The following PLCH1 variants were observed in gnomAD, a reference collection of about 807,000 sequenced individuals.
PLCH1 encodes phospholipase C eta 1, also known as 1-phosphatidylinositol 4,5-bisphosphate phosphodiesterase eta-1.
Under a neutral mutation model 126.7 loss-of-function variants are expected in PLCH1, and 60 were observed. The ratio of observed to expected loss-of-function variants is 0.47; its 90% CI spans 0.38 to 0.59. PLCH1 has a LOEUF of 0.59. Ranked by LOEUF, PLCH1 falls within the 20% of genes least tolerant of loss-of-function variation. The pLI, the probability that PLCH1 is intolerant of heterozygous loss-of-function variation, is 0.00. For missense variants in PLCH1, 1,723 were observed against 2,040.0 expected (o/e 0.84, Z 2.99); for synonymous variants, 719 against 734.9 (o/e 0.98, Z 0.35).
In PLCH1 at chr3:155,482,148, T is replaced by C. The variant is rs1455901181; in HGVS notation, c.3878A>G (p.Glu1293Gly). Reference protein sequence around the residue: ...LSSKAKTAALESNLPGSPNTS... With the variant: ...LSSKAKTAALGSNLPGSPNTS... ...ATTAGGGGATCCAGGCAGGTTGCTT[T>C]CTAAGGCCGCTGTCTTGGCCTTACT... is the stretch of plus-strand genomic sequence containing the variant. The change falls in exon 23 of 23, where the codon GAA becomes GGA. Residue 1293 changes from glutamate (E) to glycine (G), a missense_variant. Glu to Gly is a moderately conservative substitution (Grantham distance 98, BLOSUM62 -2). Transcript: ENST00000460012. 2 of 1,614,180 alleles carry C rather than the reference T, an allele frequency of 1.2e-6. No homozygotes were observed. Among genetic ancestry groups the C allele is most frequent in the South Asian group, 1.1e-5 (1 of 91,082 alleles).
intron 4 of PLCH1, among the ~76,000 whole-genome samples, chr3:155,588,024 C>T (rs1731610726): frequency 6.6e-6 from 1 of 152,044 alleles, no homozygotes; most frequent in African/African-American, 2.4e-5. Context: ...GAATGTATAT[C>T]AGAGGAGAGG....
chr3:155,583,769 G>C (rs888465909), intron 5 of PLCH1, 127 bp from the exon 6 acceptor site: 4 of 591,426 alleles, frequency 6.8e-6, no homozygotes, highest in Non-Finnish European at 1.1e-5. Flanking sequence ...CATTCTCTTC[G>C]AGCACACATT....
chr3:155,631,310 G>A (rs900351083), intron 2 of PLCH1, among the ~76,000 whole-genome samples: 1 of 150,054 alleles, frequency 6.7e-6, no homozygotes, highest in Non-Finnish European at 1.5e-5. Flanking sequence ...GGATCCTAGT[G>A]TAATGCTAGG....
rs919890892 is a variant in PLCH1, at chr3:155,603,946, A to C, written c.80-7568T>G. 6.6e-5 allele frequency among the ~76,000 whole-genome samples: 10 copies of C among 152,202 alleles called. No homozygotes were observed. The East Asian group carries it at 1.7e-3, about 27-fold the overall frequency. On this transcript the variant is annotated intron_variant, in intron 2 of 22. Coordinates refer to ENST00000460012, the MANE Select transcript of PLCH1 (RefSeq NM_014996.4). ...GACCTGGTCTCTACAAAAAATTTAA[A>C]AAATTAACCAGGTCTCGTGGCACAA...
chr3:155,701,402 G>C lies in PLCH1; in HGVS notation c.79+2744C>G, dbSNP rs375104067. Among the ~76,000 whole-genome samples, 30 of 152,216 alleles carry C rather than the reference G, an allele frequency of 2.0e-4. No homozygotes were observed. In the South Asian group the frequency reaches 6.0e-3, roughly 31 times the overall value. On this transcript the variant is annotated intron_variant, in intron 2 of 22. Transcript: ENST00000460012. ...ATTTTAGAGTTCTCATTTTAACATA[G>C]CTCTTTTATCCTGGCAACACTGCTG...
intron 1 of PLCH1, among the ~76,000 whole-genome samples, chr3:155,738,544 G>A (rs1278196543): frequency 6.6e-6 from 1 of 152,120 alleles, no homozygotes; most frequent in Non-Finnish European, 1.5e-5. Flanking sequence ...AGCACTGCGG[G>A]AGGCCGAGGC....
intron 8 of PLCH1, among the ~76,000 whole-genome samples, chr3:155,561,217 G>A (rs1727551378): frequency 6.6e-6 from 1 of 150,846 alleles, no homozygotes; most frequent in South Asian, 2.1e-4. Flanking sequence ...GTGCCATGCT[G>A]GTGCGCTGCA....
At chr3:155,527,530 A>T (rs1722118974) in intron 10 of PLCH1, among the ~76,000 whole-genome samples, 1 of 152,232 alleles carries the variant, frequency 6.6e-6, no homozygotes, top group South Asian at 2.1e-4. Context: ...AATCATTTAT[A>T]TAATGAAAGC....
At chr3:155,516,228 T>A (rs1412423511) in intron 11 of PLCH1, among the ~76,000 whole-genome samples, 3 of 152,156 alleles carry the variant, frequency 2.0e-5, no homozygotes, top group Non-Finnish European at 4.4e-5. Context: ...TCTACCCTGG[T>A]CATCAGAGAT....
intron 2 of PLCH1, among the ~76,000 whole-genome samples, chr3:155,620,460 A>G (rs1425780656): frequency 6.6e-6 from 1 of 152,202 alleles, no homozygotes; most frequent in Non-Finnish European, 1.5e-5. Flanking sequence ...AAGGAACAGG[A>G]AAAAATGTCA....
rs148610442 is a variant in PLCH1 at position 155,585,590 on chromosome 3, G to C, written c.600+475C>G. Among the ~76,000 whole-genome samples, 574 of 152,250 alleles carry C rather than the reference G, an allele frequency of 3.8e-3. 1 individual carries two copies. The highest frequency in any genetic ancestry group is 6.1e-3 in the Non-Finnish European group (418 of 68,028). On this transcript the variant is annotated intron_variant, in intron 5 of 22. Coordinates refer to ENST00000460012, the MANE Select transcript of PLCH1 (RefSeq NM_014996.4). ...CCTTTCATCTAACCAACAAGGAGTTGAATGAAATTCTGGAGAGCTCCCTAA... is the reference window on the plus strand; with the variant it reads ...CCTTTCATCTAACCAACAAGGAGTTCAATGAAATTCTGGAGAGCTCCCTAA...
At chr3:155,500,399 T>C (rs1182306171) in intron 14 of PLCH1, among the ~76,000 whole-genome samples, 2 of 152,220 alleles carry the variant, frequency 1.3e-5, no homozygotes, top group East Asian at 3.9e-4. Context: ...AGCATCCATC[T>C]TCTTTAGTCT....
At chr3:155,555,668 G>C (rs1171739271) in intron 8 of PLCH1, among the ~76,000 whole-genome samples, 10 of 151,938 alleles carry the variant, frequency 6.6e-5, no homozygotes. Flanking sequence ...TGTTCTTCTG[G>C]TTAGGCAAAT....
At chr3:155,537,224 A>AAAAAAC (rs1723547062) in intron 10 of PLCH1, among the ~76,000 whole-genome samples, 2 of 10,166 alleles carry the variant, frequency 2.0e-4, no homozygotes, top group African/African-American at 3.0e-4. Context: ...AAAAAAAAAA[A>AAAAAAC]AAAAAAAAAC....
chr3:155,673,316 A>G (rs1743724107), intron 2 of PLCH1, among the ~76,000 whole-genome samples: 2 of 152,050 alleles, frequency 1.3e-5, no homozygotes, highest in Admixed American at 6.6e-5. Context: ...ATGTTTGTGC[A>G]CTATACCAGA....
intron 11 of PLCH1, among the ~76,000 whole-genome samples, chr3:155,518,766 G>A (rs1004195281): frequency 8.6e-5 from 13 of 152,034 alleles, no homozygotes; most frequent in Non-Finnish European, 1.9e-4. Context: ...GAGCACCTAG[G>A]GTATCCAGTA....
Position 155,649,643 on chromosome 3 carries a change from G to A in PLCH1, c.80-53265C>T, listed in dbSNP as rs1740478603. On this transcript the variant is annotated intron_variant, in intron 2 of 22. Transcript: ENST00000460012. ...TCTGATTTGGACTGTGATGATGGTA[G>A]TGGGAATTGGGAAAAAGAGAACCAT... Among the ~76,000 whole-genome samples, 2 of 152,176 alleles carry A rather than the reference G, an allele frequency of 1.3e-5. 1 individual carries two copies. The highest frequency in any genetic ancestry group is 4.8e-5 in the African/African-American group (2 of 41,444).
intron 2 of PLCH1, among the ~76,000 whole-genome samples, chr3:155,700,499 A>G (rs1746193916): frequency 6.6e-6 from 1 of 152,236 alleles, no homozygotes; most frequent in Non-Finnish European, 1.5e-5. Flanking sequence ...ATTCCGAAAT[A>G]TTCATTTAAC....
At position 155,549,030 on chromosome 3, in the gene PLCH1, A is replaced by T. The variant is rs551586025; in HGVS notation, c.1362+757T>A. Among the ~76,000 whole-genome samples, 3 of 152,190 alleles carry T rather than the reference A, an allele frequency of 2.0e-5. No individual in the cohort carries two copies. The East Asian group carries it at 5.8e-4, about 29-fold the overall frequency. ...AACCCAGTTTGAATTTTAATACCCT[A>T]TTGCTTTCCTTTACATTTTTAATCA... is the stretch of plus-strand genomic sequence containing the variant. On this transcript the variant is annotated intron_variant, in intron 10 of 22. Coordinates refer to ENST00000460012, the MANE Select transcript of PLCH1 (RefSeq NM_014996.4).
Sources: allele counts gnomAD v4.1 joint callset (sites outside exome capture counted in the v4.1 genomes callset), GRCh38; gene constraint gnomAD v4.1.1; transcripts MANE v1.5; gene names NCBI Gene and HGNC (gene_info 2026-07-23, HGNC 2026-07-21).